HTT: variants seen among roughly 807,000 people sequenced by gnomAD.
HTT encodes huntingtin, also known as huntington disease protein.
In HTT, 104 loss-of-function variants were observed where a neutral mutation model predicts 362.3. That is an observed-to-expected ratio of 0.29 (90% CI 0.24 to 0.34). HTT has a LOEUF of 0.34. Among genes scored for constraint, HTT ranks in the 10% least tolerant of loss-of-function variants. The probability of loss-of-function intolerance (pLI) is 1.00; values close to 1 mark genes in which losing one functional copy is unlikely to be tolerated. For synonymous variants in HTT, 1,577 were observed against 1,548.7 expected, an observed-to-expected ratio of 1.02 and a Z score of -0.43; for missense variants, 3,301 against 3,928.6, an observed-to-expected ratio of 0.84 and a Z score of 4.27.
intron 1 of HTT, among the ~76,000 whole-genome samples, chr4:3,077,421 A>G (rs936599491): frequency 6.6e-5 from 10 of 152,068 alleles, no homozygotes; most frequent in African/African-American, 1.4e-4. Context: ...AGAATAATAT[A>G]TATCTATATA....
chr4:3,232,804 A>G (rs982479761), intron 60 of HTT, among the ~76,000 whole-genome samples: 6 of 152,344 alleles, frequency 3.9e-5, no homozygotes, highest in South Asian at 2.1e-4. Flanking sequence ...TCGCCAGGAA[A>G]GCACACTAGA....
chr4:3,152,947 G>A (rs543416895), intron 26 of HTT, among the ~76,000 whole-genome samples: 4 of 151,864 alleles, frequency 2.6e-5, no homozygotes, highest in East Asian at 1.9e-4. Context: ...CACCATGCCC[G>A]GCTAACCTTT....
intron 5 of HTT, among the ~76,000 whole-genome samples, chr4:3,105,878 T>A (rs565545581): frequency 3.3e-4 from 51 of 152,356 alleles, no homozygotes; most frequent in African/African-American, 1.2e-3. Context: ...TGTTGCACTG[T>A]GAATAGTTTG....
At chr4:3,195,156 C>T (rs1439793371) in intron 40 of HTT, among the ~76,000 whole-genome samples, 2 of 151,934 alleles carry the variant, frequency 1.3e-5, no homozygotes, top group African/African-American at 4.8e-5. Flanking sequence ...CACTGTGTGG[C>T]GTGGAGAAGA....
chr4:3,148,537 C>T (rs1022058398), intron 26 of HTT, among the ~76,000 whole-genome samples: 6 of 152,244 alleles, frequency 3.9e-5, no homozygotes, highest in East Asian at 1.9e-4. Context: ...GTGGCTCAAG[C>T]CTGTAATCCC....
At chr4:3,078,951 G>A (rs1383059882) in intron 1 of HTT, among the ~76,000 whole-genome samples, 1 of 152,154 alleles carries the variant, frequency 6.6e-6, no homozygotes, top group Non-Finnish European at 1.5e-5. Context: ...TAGCCAGGAT[G>A]ATCTTGATCT....
chr4:3,229,068 ACACACCC>A, intron 59 of HTT, 59 bp downstream of exon 59: 1 of 1,488,278 alleles, frequency 6.7e-7, no homozygotes. Flanking sequence ...CACACACGCC[ACACACCC>A]CACACACACA....
intron 3 of HTT, among the ~76,000 whole-genome samples, chr4:3,100,820 C>T (rs1483708286): frequency 6.6e-6 from 1 of 152,186 alleles, no homozygotes; most frequent in Non-Finnish European, 1.5e-5. Flanking sequence ...CTTGAGCTAC[C>T]GGGCTCAAGC....
In HTT at chr4:3,232,265, C is replaced by T. The variant is rs973061223; in HGVS notation, c.8266-898C>T. ...GGATGGCTGGGAGTGGCTTCTGTGT[C>T]GTCCGGCCATTTCCCCTGCGGAGAG... On this transcript the variant is annotated intron_variant, in intron 60 of 66. Coordinates refer to ENST00000355072, the MANE Select transcript of HTT (RefSeq NM_001388492.1). Among the ~76,000 whole-genome samples the T allele has an allele frequency of 2.2e-4, 34 of 152,268 alleles. 1 individual carries two copies. The highest frequency in any genetic ancestry group is 4.1e-4 in the South Asian group (2 of 4,822).
At position 3,119,659 on chromosome 4, in the gene HTT, G is replaced by A. The variant is rs146592119; in HGVS notation, c.1069-1569G>A. Among the ~76,000 whole-genome samples the A allele has an allele frequency of 1.6e-3, 244 of 152,322 alleles. 2 individuals carry two copies. The highest frequency in any genetic ancestry group is 2.9e-3 in the Admixed American group (45 of 15,296). On this transcript the variant is annotated intron_variant, in intron 8 of 66. Transcript: ENST00000355072. ...AGGCAGAGAACATTAAATGTAAATA[G>A]TGTTACCTAGGAGCATGTAAATGGA...
At chr4:3,077,291 C>T (rs1280926705) in intron 1 of HTT, among the ~76,000 whole-genome samples, 1 of 152,166 alleles carries the variant, frequency 6.6e-6, no homozygotes, top group Non-Finnish European at 1.5e-5. Context: ...CCCCTTTCCT[C>T]TGAGTACCTA....
rs371718523 is a variant in HTT at position 3,238,958 on chromosome 4, C to G, written c.9195C>G (p.Thr3065=). 19 of 1,608,338 alleles carry G rather than the reference C, an allele frequency of 1.2e-5. No homozygotes were observed. In the African/African-American group the frequency reaches 2.4e-4, roughly 20 times the overall value. The change falls in exon 66 of 67, where the codon ACC becomes ACG. Residue 3065 remains threonine, a synonymous_variant. Transcript: ENST00000355072. ...CCTGCTTCTTTGTCAGCGCGTCCAC[C>G]AGCCCGTGGGTCGCGGCGATGTATC... ...SLSCFFVSAS[T]SPWVAAILPH...
chr4:3,132,531 T>C (rs1258510628), intron 16 of HTT, 31 bp from the exon 17 acceptor site: 1 of 1,590,548 alleles, frequency 6.3e-7, no homozygotes, highest in Admixed American at 1.7e-5. Context: ...AGTAGGGAAT[T>C]GTTCCATGGC....
chr4:3,203,336 G>A (rs927000103), intron 41 of HTT, among the ~76,000 whole-genome samples: 4 of 152,204 alleles, frequency 2.6e-5, no homozygotes, highest in Non-Finnish European at 4.4e-5. Context: ...GCCCTTTGCC[G>A]CAATGGGAAG....
intron 27 of HTT, 80 bp from the exon 28 acceptor site, chr4:3,156,992 C>A: frequency 1.7e-6 from 2 of 1,179,264 alleles, no homozygotes; most frequent in East Asian, 2.4e-5. Context: ...TTTAAAAAAT[C>A]ATGATTTCCA....
At chr4:3,207,006 T>C in intron 44 of HTT, 23 bp downstream of exon 44, 1 of 1,576,100 alleles carries the variant, frequency 6.3e-7, no homozygotes, top group Non-Finnish European at 8.6e-7. Flanking sequence ...GAAACCCTGA[T>C]ATTGATTTAT....
At chr4:3,233,636 G>A (rs939518414) in intron 61 of HTT, among the ~76,000 whole-genome samples, 22 of 152,306 alleles carry the variant, frequency 1.4e-4, no homozygotes, top group Non-Finnish European at 2.9e-4. Flanking sequence ...CTCTGCTCTC[G>A]AGGCCATCGG....
rs373095544 is a variant in HTT, at chr4:3,204,043, C to T, written c.5613C>T (p.Pro1871=). 12 of 1,613,986 alleles carry T rather than the reference C, an allele frequency of 7.4e-6. No individual in the cohort carries two copies. Among genetic ancestry groups the T allele is most frequent in the Admixed American group, 1.7e-5 (1 of 60,004 alleles). ...HSLSSTKLLS[P]QMSGEEEDSD... ...TGTCCAGCACAAAGTTACTTAGTCC[C>T]CAGATGTCTGGAGAAGAGGAGGATT... Residue 1871 remains proline, a synonymous_variant, in exon 42 of 67, where the codon CCC becomes CCT. Transcript: ENST00000355072.
chr4:3,194,302 A>C (rs363092), intron 40 of HTT, among the ~76,000 whole-genome samples: 78,979 of 151,948 alleles, frequency 0.52, 21,595 homozygotes, highest in South Asian at 0.71. Flanking sequence ...ATTCATCCCA[A>C]AGTGGTTTGC....
Sources: allele counts gnomAD v4.1 joint callset (sites outside exome capture counted in the v4.1 genomes callset), GRCh38; gene constraint gnomAD v4.1.1; transcripts MANE v1.5; gene names NCBI Gene and HGNC (gene_info 2026-07-23, HGNC 2026-07-21).